The following TRAPPC9 variants were observed in gnomAD, a reference collection of about 807,000 sequenced individuals.
The protein encoded by TRAPPC9 is trafficking protein particle complex subunit 9.
TRAPPC9 carries 83 observed loss-of-function variants against 124.0 expected under a neutral mutation model. The ratio of observed to expected loss-of-function variants is 0.67; its 90% CI spans 0.56 to 0.80. The LOEUF (loss-of-function observed/expected upper bound fraction) is 0.80, where lower values mean the gene tolerates loss of function less well. Ranked by LOEUF, TRAPPC9 falls within the 30% of genes least tolerant of loss-of-function variation. TRAPPC9 has a pLI of 0.00. For missense variants in TRAPPC9, 1,302 were observed against 1,508.3 expected (o/e 0.86, Z 2.27); for synonymous variants, 638 against 617.5 (o/e 1.03, Z -0.49).
intron 9 of TRAPPC9, among the ~76,000 whole-genome samples, chr8:140,343,346 A>G (rs557079777): frequency 5.3e-5 from 8 of 152,364 alleles, no homozygotes; most frequent in East Asian, 3.9e-4. Flanking sequence ...TCTTTTCATT[A>G]AAAGTGTTTC....
At chr8:139,941,793 C>T (rs1365499785) in intron 19 of TRAPPC9, among the ~76,000 whole-genome samples, 2 of 152,232 alleles carry the variant, frequency 1.3e-5, no homozygotes, top group African/African-American at 4.8e-5. Flanking sequence ...GCATATTCCA[C>T]TCTGCACCCC....
intron 5 of TRAPPC9, among the ~76,000 whole-genome samples, chr8:140,425,191 G>C (rs1288629419): frequency 6.6e-6 from 1 of 152,248 alleles, no homozygotes; most frequent in Non-Finnish European, 1.5e-5. Context: ...GCAGAGGCCA[G>C]AAGGCATTAG....
intron 2 of TRAPPC9, among the ~76,000 whole-genome samples, chr8:140,445,079 G>T (rs967684222): frequency 6.6e-6 from 1 of 152,210 alleles, no homozygotes; most frequent in South Asian, 2.1e-4. Context: ...ACTCACATCC[G>T]ATTGCCTCTT....
chr8:139,904,770 C>T (rs758960671), intron 20 of TRAPPC9: 10 of 152,236 alleles, frequency 6.6e-5, no homozygotes, highest in Non-Finnish European at 1.3e-4. Context: ...CAGCAATGGT[C>T]TGCAGCAGGT....
At chr8:140,176,941 G>A (rs913625747) in intron 17 of TRAPPC9, among the ~76,000 whole-genome samples, 2 of 152,094 alleles carry the variant, frequency 1.3e-5, no homozygotes, top group African/African-American at 4.8e-5. Flanking sequence ...TGCCATGCAC[G>A]TATCTTCTTT....
intron 21 of TRAPPC9, among the ~76,000 whole-genome samples, chr8:139,783,359 G>A (rs557874559): frequency 3.9e-5 from 6 of 152,244 alleles, no homozygotes; most frequent in African/African-American, 1.4e-4. Flanking sequence ...ATCACTGTAG[G>A]TTCTCTAAAT....
intron 9 of TRAPPC9, among the ~76,000 whole-genome samples, chr8:140,326,254 G>C (rs2066734821): frequency 6.6e-6 from 1 of 151,840 alleles, no homozygotes; most frequent in African/African-American, 2.4e-5. Context: ...AAGAAGTTGG[G>C]GGTTACTGCA....
rs1410399681 is a variant in TRAPPC9, at chr8:139,984,891, C to T, written c.2810+3835G>A. Among the ~76,000 whole-genome samples the T allele has an allele frequency of 2.0e-5, 3 of 152,150 alleles. No individual in the cohort carries two copies. Among genetic ancestry groups the T allele is most frequent in the Admixed American group, 6.5e-5 (1 of 15,278 alleles). Reference sequence around the variant, plus strand: ...CTCTAGTTCACCCAACGCTCCCACCCGGCCCGGGACAGCAAGATGCCCTTG... The same window carrying T: ...CTCTAGTTCACCCAACGCTCCCACCTGGCCCGGGACAGCAAGATGCCCTTG... On this transcript the variant is annotated intron_variant, in intron 19 of 22. Transcript: ENST00000438773. This position sits in a 1 kb window ranked among gnomAD's most constrained non-coding sequence, Gnocchi z 4.3.
rs75788239 is a variant in TRAPPC9, at chr8:139,728,827, G to A, written c.*2234C>T. Among the ~76,000 whole-genome samples the A allele has an allele frequency of 0.019, 2,950 of 152,276 alleles. 92 individuals are homozygous for A. Among genetic ancestry groups the A allele is most frequent in the African/African-American group, 0.066 (2,743 of 41,548 alleles). On this transcript the variant is annotated 3_prime_UTR_variant, in exon 23 of 23. Coordinates refer to ENST00000438773, the MANE Select transcript of TRAPPC9 (RefSeq NM_001160372.4). ...CTGCCCCTTGAGGTTCTTCCTTCTT[G>A]TGGCATCCAGCATTTTCTCTGGTAA...
chr8:139,882,117 C>T (rs1271007505), intron 21 of TRAPPC9, among the ~76,000 whole-genome samples: 2 of 152,358 alleles, frequency 1.3e-5, no homozygotes, highest in Middle Eastern at 3.4e-3. Flanking sequence ...CCAGGAATAA[C>T]AGAAATATCT....
intron 19 of TRAPPC9, among the ~76,000 whole-genome samples, chr8:139,983,968 G>A (rs549280382): frequency 6.6e-6 from 1 of 152,192 alleles, no homozygotes; most frequent in African/African-American, 2.4e-5. Flanking sequence ...CTTCATATGG[G>A]AAGTGCTCAG....
chr8:139,932,537 T>A (rs1329770087), intron 19 of TRAPPC9: 1 of 455,236 alleles, frequency 2.2e-6, no homozygotes, highest in Non-Finnish European at 4.4e-6. Context: ...CCGAGGCAGG[T>A]GGATTGCCTG....
intron 17 of TRAPPC9, among the ~76,000 whole-genome samples, chr8:140,036,174 G>A (rs1038117850): frequency 2.6e-5 from 4 of 152,012 alleles, no homozygotes; most frequent in African/African-American, 9.7e-5. Context: ...AACGGGCTGG[G>A]AAGCCTTCGA....
At chr8:140,270,031 C>A (rs538971650) in intron 15 of TRAPPC9, among the ~76,000 whole-genome samples, 5 of 151,832 alleles carry the variant, frequency 3.3e-5, no homozygotes, top group African/African-American at 1.2e-4. Context: ...ACCTGGGAGG[C>A]GGAGGTTGCA....
At chr8:140,428,444 C>CTCA (rs1296134736) in intron 4 of TRAPPC9, among the ~76,000 whole-genome samples, 2 of 152,184 alleles carry the variant, frequency 1.3e-5, no homozygotes, top group Admixed American at 6.5e-5. Flanking sequence ...GTCCATACGT[C>CTCA]TCATTTGGGA....
At chr8:139,842,605 T>G (rs1018098578) in intron 21 of TRAPPC9, among the ~76,000 whole-genome samples, 5 of 145,956 alleles carry the variant, frequency 3.4e-5, no homozygotes, top group South Asian at 2.1e-4. Flanking sequence ...CCCGGGGCCA[T>G]GATCACAGCA....
chr8:140,133,109 G>C (rs1227636718), intron 17 of TRAPPC9, among the ~76,000 whole-genome samples: 1 of 152,170 alleles, frequency 6.6e-6, no homozygotes, highest in Non-Finnish European at 1.5e-5. Flanking sequence ...GACATCAGAA[G>C]AAAAGAGGAA....
Position 140,300,356 on chromosome 8 carries a change from C to G in TRAPPC9, c.1768+113G>C, listed in dbSNP as rs149106793. On this transcript the variant is annotated intron_variant, in intron 11 of 22. Transcript: ENST00000438773. ...ATGCATGCGTGCACACATCCACGCACGCACACACATGCACATGCATGAACT... is the reference window on the plus strand; with the variant it reads ...ATGCATGCGTGCACACATCCACGCAGGCACACACATGCACATGCATGAACT... The G allele has an allele frequency of 4.4e-5, 59 of 1,353,812 alleles. No homozygotes were observed. The African/African-American group carries it at 7.7e-4, about 18-fold the overall frequency. The allele number at this position is 1,353,812 out of a possible 1,614,324, so 83.9% of individuals were successfully genotyped here.
chr8:140,326,222 T>TA (rs748923859), intron 9 of TRAPPC9, among the ~76,000 whole-genome samples: 3,385 of 109,394 alleles, frequency 0.031, 127 homozygotes, highest in African/African-American at 0.1. Flanking sequence ...CCGTCTCTAC[T>TA]AAAAAAAAAA....
Sources: allele counts gnomAD v4.1 joint callset (sites outside exome capture counted in the v4.1 genomes callset), GRCh38; gene constraint gnomAD v4.1.1; non-coding constraint Gnocchi (gnomAD v3.1); transcripts MANE v1.5; gene names NCBI Gene and HGNC (gene_info 2026-07-23, HGNC 2026-07-21).